The following SNTG1 variants were observed in gnomAD, a reference collection of about 807,000 sequenced individuals.
SNTG1 encodes gamma-1-syntrophin.
In SNTG1, 39 loss-of-function variants were observed where a neutral mutation model predicts 74.7. The ratio of observed to expected loss-of-function variants is 0.52; its 90% CI spans 0.40 to 0.68. The LOEUF is 0.68. Among genes scored for constraint, SNTG1 ranks in the 30% least tolerant of loss-of-function variants. SNTG1 has a pLI of 0.00. For synonymous variants in SNTG1, 254 were observed against 217.1 expected (o/e 1.17, Z -1.49); for missense variants, 685 against 609.5 (o/e 1.12, Z -1.30).
intron 1 of SNTG1, among the ~76,000 whole-genome samples, chr8:50,003,220 C>T (rs891607019): frequency 6.6e-5 from 10 of 152,118 alleles, no homozygotes; most frequent in African/African-American, 2.4e-4. Context: ...GAGTTGTACA[C>T]TTAAAAGGTG....
intron 1 of SNTG1, among the ~76,000 whole-genome samples, chr8:50,085,923 T>A (rs1586202576): frequency 6.6e-6 from 1 of 152,282 alleles, no homozygotes; most frequent in East Asian, 1.9e-4. Flanking sequence ...GTATCTTTTA[T>A]AGGTTCCACA....
chr8:50,722,356 A>G (rs2095489845), intron 17 of SNTG1, among the ~76,000 whole-genome samples: 2 of 151,632 alleles, frequency 1.3e-5, no homozygotes, highest in Admixed American at 1.3e-4. Flanking sequence ...TGTATTTTTA[A>G]TAGAGACGGG....
chr8:50,444,764 A>AAAAAAAAAAAG lies in SNTG1; in HGVS notation c.220-4901_220-4900insAAAAAAAGAAA, dbSNP rs71233494. On this transcript the variant is annotated intron_variant, in intron 5 of 18. Coordinates refer to ENST00000642720, the MANE Select transcript of SNTG1 (RefSeq NM_018967.5). ...GACTCCATCTCAGAAAAAAAAAAAA[A>AAAAAAAAAAAG]AAAGAAAGAGATAACAAGCATACAG... Among the ~76,000 whole-genome samples the AAAAAAAAAAAG allele has an allele frequency of 3.8e-4, 53 of 140,218 alleles. 1 individual carries two copies. The highest frequency in any genetic ancestry group is 1.3e-3 in the African/African-American group (49 of 37,200). 92.0% of individuals were successfully genotyped at this position (140,218 alleles called of 152,430 possible).
intron 9 of SNTG1, among the ~76,000 whole-genome samples, chr8:50,514,425 A>G (rs2094114126): frequency 6.6e-6 from 1 of 152,074 alleles, no homozygotes; most frequent in African/African-American, 2.4e-5. Context: ...GTTGTGTTTC[A>G]TTTTAATTTG....
chr8:50,391,036 T>A (rs2131293056), intron 2 of SNTG1, among the ~76,000 whole-genome samples: 1 of 152,304 alleles, frequency 6.6e-6, no homozygotes, highest in South Asian at 2.1e-4. Context: ...TTTGACTTCC[T>A]CTTTTCCAAA....
intron 8 of SNTG1, among the ~76,000 whole-genome samples, chr8:50,487,958 T>C (rs2131859476): frequency 6.6e-6 from 1 of 152,212 alleles, no homozygotes; most frequent in East Asian, 1.9e-4. Context: ...ATATTTGATA[T>C]ATGTTTGCTG....
Position 50,223,188 on chromosome 8 carries a change from G to A in SNTG1, c.-28+50553G>A, listed in dbSNP as rs184840060. Reference sequence around the variant, plus strand: ...GAGGAATGACTGCTAATGGGTATAGGTTTATTTCTGGGGTAACAGAACTGT... The same window carrying A: ...GAGGAATGACTGCTAATGGGTATAGATTTATTTCTGGGGTAACAGAACTGT... On this transcript the variant is annotated intron_variant, in intron 2 of 18. Coordinates refer to ENST00000642720, the MANE Select transcript of SNTG1 (RefSeq NM_018967.5). 3.2e-3 allele frequency among the ~76,000 whole-genome samples: 486 copies of A among 152,210 alleles called. 3 individuals are homozygous for A. Among genetic ancestry groups the A allele is most frequent in the African/African-American group, 0.011 (468 of 41,542 alleles).
chr8:50,077,652 A>T (rs1451313921), intron 1 of SNTG1, among the ~76,000 whole-genome samples: 1 of 152,188 alleles, frequency 6.6e-6, no homozygotes, highest in African/African-American at 2.4e-5. Context: ...CTATTGTCCA[A>T]CCATCATCAA....
At chr8:49,939,291 A>G (rs934131344) in intron 1 of SNTG1, among the ~76,000 whole-genome samples, 12 of 152,324 alleles carry the variant, frequency 7.9e-5, no homozygotes, top group African/African-American at 2.6e-4. Flanking sequence ...CTACTAGTGA[A>G]TGTGAGAATC....
intron 1 of SNTG1, among the ~76,000 whole-genome samples, chr8:49,971,687 GT>G (rs1811690722): frequency 1.3e-5 from 2 of 152,122 alleles, no homozygotes; most frequent in South Asian, 4.1e-4. Context: ...CAAAATCAAT[GT>G]GCAAAAATCA....
chr8:50,065,835 C>A (rs1389198398), intron 1 of SNTG1, among the ~76,000 whole-genome samples: 3 of 152,158 alleles, frequency 2.0e-5, no homozygotes, highest in African/African-American at 7.2e-5. Flanking sequence ...CTAATTTACT[C>A]AAGGTGTAGA....
At chr8:50,714,739 C>G (rs2095471036) in intron 17 of SNTG1, among the ~76,000 whole-genome samples, 1 of 151,956 alleles carries the variant, frequency 6.6e-6, no homozygotes, top group African/African-American at 2.4e-5. Flanking sequence ...GAGAGGAAAG[C>G]TGGAGAAACA....
intron 15 of SNTG1, among the ~76,000 whole-genome samples, chr8:50,687,575 T>G (rs188521980): frequency 7.2e-5 from 11 of 152,022 alleles, no homozygotes; most frequent in African/African-American, 2.7e-4. Flanking sequence ...GATACGTTCT[T>G]TTTTTATTAT....
intron 2 of SNTG1, among the ~76,000 whole-genome samples, chr8:50,307,406 T>G (rs1256443751): frequency 1.3e-5 from 2 of 152,044 alleles, no homozygotes; most frequent in Admixed American, 1.3e-4. Context: ...CTATATGTAG[T>G]GGTATTGCAT....
At position 50,115,576 on chromosome 8, in the gene SNTG1, A is replaced by AAAAAAAAC. The variant is rs1554580682; in HGVS notation, c.-102-56978_-102-56977insCAAAAAAA. Among the ~76,000 whole-genome samples, 12 of 82,904 alleles carry AAAAAAAAC rather than the reference A, an allele frequency of 1.4e-4. 4 individuals are homozygous for AAAAAAAAC. Among genetic ancestry groups the AAAAAAAAC allele is most frequent in the Non-Finnish European group, 2.7e-4 (10 of 37,124 alleles). 54.4% of individuals were successfully genotyped at this position (82,904 alleles called of 152,430 possible). ...GAGCGAGACTCTGTCTCAAAAAAAAAAAAAAAAAAAACGAGATGGTTGAAG... is the reference window on the plus strand; with the variant it reads ...GAGCGAGACTCTGTCTCAAAAAAAAAAAAAAAACAAAAAAAAAAACGAGATGGTTGAAG... On this transcript the variant is annotated intron_variant, in intron 1 of 18. Coordinates refer to ENST00000642720, the MANE Select transcript of SNTG1 (RefSeq NM_018967.5).
intron 9 of SNTG1, 28 bp from the exon 10 acceptor site, chr8:50,530,149 T>C (rs2094255025): frequency 6.3e-7 from 1 of 1,595,982 alleles, no homozygotes. Context: ...TTCTCACCAG[T>C]GGAATGTTAT....
At chr8:49,990,994 A>C (rs1813628813) in intron 1 of SNTG1, among the ~76,000 whole-genome samples, 1 of 152,156 alleles carries the variant, frequency 6.6e-6, no homozygotes, top group Non-Finnish European at 1.5e-5. Context: ...CATTAAGAGA[A>C]TCAAAGGGCA....
intron 2 of SNTG1, among the ~76,000 whole-genome samples, chr8:50,354,946 T>A (rs17699001): frequency 0.05 from 7,544 of 152,220 alleles, 252 homozygotes; most frequent in Non-Finnish European, 0.071. Context: ...ACTACTAAAT[T>A]TCCTGAAAGC....
intron 4 of SNTG1, among the ~76,000 whole-genome samples, chr8:50,423,483 T>G (rs2131472555): frequency 6.6e-6 from 1 of 152,376 alleles, no homozygotes; most frequent in South Asian, 2.1e-4. Flanking sequence ...GCACTCAACA[T>G]GACTATAAAA....
Sources: allele counts gnomAD v4.1 joint callset (sites outside exome capture counted in the v4.1 genomes callset), GRCh38; gene constraint gnomAD v4.1.1; transcripts MANE v1.5; gene names NCBI Gene and HGNC (gene_info 2026-07-23, HGNC 2026-07-21).